Variants in PSMD1 observed in about 807,000 individuals in gnomAD.
PSMD1 encodes 26S proteasome non-ATPase regulatory subunit 1.
A neutral mutation model predicts 119.0 loss-of-function variants in PSMD1; 18 were observed. The observed-to-expected ratio is 0.15, with a 90% confidence interval of 0.10 to 0.22. The LOEUF (loss-of-function observed/expected upper bound fraction) is 0.22, where lower values mean the gene tolerates loss of function less well. Ranked by LOEUF, PSMD1 falls within the 10% of genes least tolerant of loss-of-function variation. The probability of loss-of-function intolerance (pLI) is 1.00; values close to 1 mark genes in which losing one functional copy is unlikely to be tolerated. For synonymous variants in PSMD1, 374 were observed against 396.6 expected, an observed-to-expected ratio of 0.94 and a Z score of 0.68; for missense variants, 702 against 1,158.5, an observed-to-expected ratio of 0.61 and a Z score of 5.72.
intron 16 of PSMD1, among the ~76,000 whole-genome samples, chr2:231,119,869 CAA>C (rs78246469): frequency 0.42 from 33,193 of 78,576 alleles, 3,587 homozygotes; most frequent in African/African-American, 0.54. Flanking sequence ...GACTCCGTCT[CAA>C]AAAAAAAAAA....
chr2:231,108,894 T>C (rs1695056228), intron 16 of PSMD1: 3 of 1,613,704 alleles, frequency 1.9e-6, no homozygotes, highest in South Asian at 1.1e-5. Flanking sequence ...ATTTGGAGAG[T>C]AGTTTGGTTA....
At chr2:231,147,809 G>A (rs1574770097) in intron 18 of PSMD1, among the ~76,000 whole-genome samples, 1 of 152,156 alleles carries the variant, frequency 6.6e-6, no homozygotes, top group Admixed American at 6.5e-5. Flanking sequence ...TTGGCATTGT[G>A]TCTTATGCCT....
At chr2:231,137,483 C>T (rs1163651744) in intron 16 of PSMD1, among the ~76,000 whole-genome samples, 2 of 152,064 alleles carry the variant, frequency 1.3e-5, no homozygotes, top group Admixed American at 1.3e-4. Context: ...AAATCTAGAG[C>T]TGTATATGCA....
At chr2:231,080,425 A>C in intron 12 of PSMD1, 111 bp downstream of exon 12, 3 of 906,540 alleles carry the variant, frequency 3.3e-6, no homozygotes, top group Non-Finnish European at 4.7e-6. Context: ...AATACCCAAA[A>C]CAACTGTCAT....
At chr2:231,145,681 G>C (rs144641264) in intron 17 of PSMD1, among the ~76,000 whole-genome samples, 3,683 of 152,086 alleles carry the variant, frequency 0.024, 150 homozygotes, top group African/African-American at 0.085. Context: ...ATCACCTGAG[G>C]TCAGGAGGTG....
chr2:231,070,724 T>G (rs1421313318), intron 6 of PSMD1, among the ~76,000 whole-genome samples: 1 of 152,140 alleles, frequency 6.6e-6, no homozygotes, highest in African/African-American at 2.4e-5. Flanking sequence ...ATAGATGTTT[T>G]TCCCTACTTA....
intron 16 of PSMD1, among the ~76,000 whole-genome samples, chr2:231,116,226 C>A (rs1054616572): frequency 2.0e-5 from 3 of 152,092 alleles, no homozygotes; most frequent in African/African-American, 7.2e-5. Context: ...TGAAAAGAAT[C>A]ATTTTAGAGT....
Position 231,077,149 on chromosome 2 carries a change from TA to T in PSMD1, c.1064del (p.Asn355ThrfsTer17). ...AACAATAATACAGACCTCATGATTC[TA>T]AAAAACACAAAGGTAAGAAATTCAT... ...IRNNNTDLMI[L>X]KNTKDAVRNS... On this transcript the variant is annotated frameshift_variant, in exon 9 of 25. Coordinates refer to ENST00000308696, the MANE Select transcript of PSMD1 (RefSeq NM_002807.4). LOFTEE classifies it high-confidence loss of function. 2.0e-6 allele frequency: 3 copies of T among 1,528,134 alleles called. No individual in the cohort carries two copies. The highest frequency in any genetic ancestry group is 1.3e-5 in the South Asian group (1 of 77,630). 94.7% of individuals were successfully genotyped at this position (1,528,134 alleles called of 1,614,324 possible).
chr2:231,156,441 A>G (rs1266736798), intron 19 of PSMD1, among the ~76,000 whole-genome samples: 2 of 152,124 alleles, frequency 1.3e-5, no homozygotes, highest in African/African-American at 2.4e-5. Flanking sequence ...TGTGTCTACC[A>G]TAACAGTATG....
intron 19 of PSMD1, among the ~76,000 whole-genome samples, chr2:231,157,077 CT>C (rs1559253006): frequency 2.0e-5 from 3 of 151,824 alleles, no homozygotes; most frequent in Admixed American, 2.0e-4. Context: ...GCTCTGTAAT[CT>C]TTTTTTTCTC....
intron 16 of PSMD1, among the ~76,000 whole-genome samples, chr2:231,089,827 CCTGAGAG>C (rs955152971): frequency 6.6e-6 from 1 of 152,068 alleles, no homozygotes; most frequent in African/African-American, 2.4e-5. Flanking sequence ...CTTTATATTC[CCTGAGAG>C]CTGATTAGAT....
At chr2:231,156,468 C>G (rs1222082911) in intron 19 of PSMD1, among the ~76,000 whole-genome samples, 1 of 151,198 alleles carries the variant, frequency 6.6e-6, no homozygotes, top group Admixed American at 6.6e-5. Flanking sequence ...AATAGTTTCA[C>G]TACCCTAAAA....
chr2:231,092,741 C>T (rs1299764593), intron 16 of PSMD1, among the ~76,000 whole-genome samples: 4 of 152,172 alleles, frequency 2.6e-5, no homozygotes, highest in Non-Finnish European at 5.9e-5. Flanking sequence ...CATGACAGAC[C>T]TCCCAGCCAA....
In PSMD1 at chr2:231,056,993, G is replaced by T. The variant is rs1043123235; in HGVS notation, c.-33G>T. 10 of 1,539,940 alleles carry T rather than the reference G, an allele frequency of 6.5e-6. No individual in the cohort carries two copies. The highest frequency in any genetic ancestry group is 3.8e-4 in the Middle Eastern group (2 of 5,310). On this transcript the variant is annotated 5_prime_UTR_variant, in exon 1 of 25. Coordinates refer to ENST00000308696, the MANE Select transcript of PSMD1 (RefSeq NM_002807.4). ...AGATACACTGCGCAGCTGGAACGGC[G>T]AGCGAGCCGACGGGCGAGTGAGGGG...
At chr2:231,073,476 A>AT (rs1227245478) in intron 7 of PSMD1, among the ~76,000 whole-genome samples, 6 of 151,762 alleles carry the variant, frequency 4.0e-5, no homozygotes, top group African/African-American at 1.2e-4. Flanking sequence ...TACAATTTTG[A>AT]TTCTTTTTTC....
intron 16 of PSMD1, among the ~76,000 whole-genome samples, chr2:231,101,447 A>G (rs1347725367): frequency 6.6e-6 from 1 of 152,198 alleles, no homozygotes; most frequent in East Asian, 1.9e-4. Flanking sequence ...TAGGCTGTAG[A>G]AAAAAATTAA....
At chr2:231,145,396 T>C (rs906398167) in intron 17 of PSMD1, among the ~76,000 whole-genome samples, 1 of 152,200 alleles carries the variant, frequency 6.6e-6, no homozygotes, top group Non-Finnish European at 1.5e-5. Context: ...GACTGGAACT[T>C]GCTCTGGGTG....
intron 9 of PSMD1, among the ~76,000 whole-genome samples, chr2:231,078,299 A>G (rs748155619): frequency 4.6e-5 from 7 of 152,194 alleles, no homozygotes; most frequent in Non-Finnish European, 1.0e-4. Flanking sequence ...TTATCTGGTA[A>G]CTGTCAGAGG....
chr2:231,141,347 T>G (rs1345606035), intron 17 of PSMD1, among the ~76,000 whole-genome samples: 4 of 151,668 alleles, frequency 2.6e-5, no homozygotes, highest in African/African-American at 9.7e-5. Context: ...ATGGCAACAA[T>G]TGTGTAAAAA....
Sources: allele counts gnomAD v4.1 joint callset (sites outside exome capture counted in the v4.1 genomes callset), GRCh38; gene constraint gnomAD v4.1.1; transcripts MANE v1.5; gene names NCBI Gene and HGNC (gene_info 2026-07-23, HGNC 2026-07-21).